ATP1A1: variants seen among roughly 807,000 people sequenced by gnomAD.
ATP1A1 encodes ATPase Na+/K+ transporting subunit alpha 1, also known as sodium/potassium-transporting ATPase subunit alpha-1.
ATP1A1 carries 14 observed loss-of-function variants against 114.8 expected under a neutral mutation model. The ratio of observed to expected loss-of-function variants is 0.12; its 90% CI spans 0.08 to 0.19. The LOEUF (loss-of-function observed/expected upper bound fraction) is 0.19. Among genes scored for constraint, ATP1A1 ranks in the 10% least tolerant of loss-of-function variants. The pLI, the probability that ATP1A1 is intolerant of heterozygous loss-of-function variation, is 1.00. For missense variants in ATP1A1, 524 were observed against 1,290.7 expected, an observed-to-expected ratio of 0.41 and a Z score of 9.10; for synonymous variants, 471 against 466.3, an observed-to-expected ratio of 1.01 and a Z score of -0.13.
rs758798958 is a variant in ATP1A1 at position 116,390,422 on chromosome 1, G to A, written c.1222+11G>A. ...CAGAGAATCAGAGTGGTAAGGCCAG[G>A]GTTACCACACACCTCAGCCACCTGC... On this transcript the variant is annotated intron_variant, in intron 9 of 22. Transcript: ENST00000295598. The A allele has an allele frequency of 6.2e-7, 1 of 1,611,934 alleles. No individual in the cohort carries two copies. Among genetic ancestry groups the A allele is most frequent in the South Asian group, 1.1e-5 (1 of 91,014 alleles).
chr1:116,377,837 G>A (rs1651472428), intron 1 of ATP1A1, among the ~76,000 whole-genome samples: 1 of 152,208 alleles, frequency 6.6e-6, no homozygotes, highest in Non-Finnish European at 1.5e-5. Flanking sequence ...TCCCATCCCT[G>A]CCAGAGCTGT....
chr1:116,404,391 TTGTC>T lies in ATP1A1; in HGVS notation c.3044-19_3044-16del, dbSNP rs1653798118. On this transcript the variant is annotated intron_variant, in intron 22 of 22. Coordinates refer to ENST00000295598, the MANE Select transcript of ATP1A1 (RefSeq NM_000701.8). The surrounding 1 kb of genome is among the most constrained non-coding windows in gnomAD (Gnocchi z 4.8). Reference sequence around the variant, plus strand: ...CGAGGAAGACTCACTGTAGTGTGTCTTGTCTGTCTCTTTGCCACCCACAGGCTGG... The same window carrying T: ...CGAGGAAGACTCACTGTAGTGTGTCTTGTCTCTTTGCCACCCACAGGCTGG... The T allele has an allele frequency of 4.3e-6, 7 of 1,613,916 alleles. No individual in the cohort carries two copies. Among genetic ancestry groups the T allele is most frequent in the Non-Finnish European group, 5.9e-6 (7 of 1,179,890 alleles).
rs1461794187 is a variant in ATP1A1, at chr1:116,385,670, T to G, written c.183+828T>G. 6.6e-6 allele frequency: 1 copy of G among 151,062 alleles called. No individual in the cohort carries two copies. The highest frequency in any genetic ancestry group is 1.5e-5 in the Non-Finnish European group (1 of 67,816). The allele number at this position is 151,062 out of a possible 1,614,324, so 9.4% of individuals were successfully genotyped here. On this transcript the variant is annotated intron_variant, in intron 3 of 22. Coordinates refer to ENST00000295598, the MANE Select transcript of ATP1A1 (RefSeq NM_000701.8). The surrounding 1 kb of genome is among the most constrained non-coding windows in gnomAD (Gnocchi z 4.3). ...AAGAAACAGGATCTCTCTCCTGCCC[T>G]CCTTTTCACCTGTCGCAAGGCAGGA... is the stretch of plus-strand genomic sequence containing the variant.
At chr1:116,402,876 G>A (rs931867684) in intron 21 of ATP1A1, among the ~76,000 whole-genome samples, 3 of 152,092 alleles carry the variant, frequency 2.0e-5, no homozygotes, top group African/African-American at 7.2e-5. Context: ...AGAAGGCATG[G>A]GCCACAGTGT....
Position 116,389,117 on chromosome 1 carries a change from A to C in ATP1A1, c.754+98A>C, listed in dbSNP as rs1237928961. ...CACAATCTCTTGTTTTATTGGCTCC[A>C]TTTCTGAGAACTTGTGTCAAGCACA... On this transcript the variant is annotated intron_variant, in intron 7 of 22. Coordinates refer to ENST00000295598, the MANE Select transcript of ATP1A1 (RefSeq NM_000701.8). This position sits in a 1 kb window ranked among gnomAD's most constrained non-coding sequence, Gnocchi z 6.9. The C allele has an allele frequency of 8.4e-7, 1 of 1,185,064 alleles. No individual in the cohort carries two copies. The allele number at this position is 1,185,064 out of a possible 1,614,324, so 73.4% of individuals were successfully genotyped here.
At chr1:116,376,511 G>GA (rs1398263814) in intron 1 of ATP1A1, among the ~76,000 whole-genome samples, 4 of 152,204 alleles carry the variant, frequency 2.6e-5, no homozygotes, top group Non-Finnish European at 5.9e-5. Flanking sequence ...GAGCTGGGGG[G>GA]TGGAGAGAGC....
rs1490873088 is a variant in ATP1A1 at position 116,404,608 on chromosome 1, T to TGGGGGGA, written c.*175_*181dup. On this transcript the variant is annotated 3_prime_UTR_variant, in exon 23 of 23. Transcript: ENST00000295598. This position sits in a 1 kb window ranked among gnomAD's most constrained non-coding sequence, Gnocchi z 4.8. ...TCCTGGAATGAAGCATGTAGCTCTA[T>TGGGGGGA]GGGGGGAGGGGGGAGGGCTGCCTGA... The TGGGGGGA allele has an allele frequency of 2.0e-6, 2 of 977,000 alleles. No individual in the cohort carries two copies. The highest frequency in any genetic ancestry group is 2.8e-5 in the South Asian group (1 of 35,120). The allele number at this position is 977,000 out of a possible 1,614,324, so 60.5% of individuals were successfully genotyped here.
chr1:116,382,641 A>G (rs1651820765), intron 1 of ATP1A1: 1 of 152,274 alleles, frequency 6.6e-6, no homozygotes, highest in African/African-American at 2.4e-5. Flanking sequence ...AATTTGGAGA[A>G]GGATTTCTCC....
chr1:116,373,610 G>T, intron 1 of ATP1A1, 87 bp downstream of exon 1: 1 of 1,289,254 alleles, frequency 7.8e-7, no homozygotes, highest in South Asian at 1.8e-5. Context: ...CGGCCAGCGG[G>T]AGGCGGCGGA....
intron 12 of ATP1A1, 125 bp from the exon 13 acceptor site, chr1:116,394,985 A>G: frequency 2.1e-6 from 2 of 933,026 alleles, no homozygotes; most frequent in South Asian, 1.8e-5. Flanking sequence ...TTATAAAAAT[A>G]TAGACTTTAA....
chr1:116,379,110 C>T (rs1651570388), intron 1 of ATP1A1, among the ~76,000 whole-genome samples: 1 of 152,152 alleles, frequency 6.6e-6, no homozygotes, highest in African/African-American at 2.4e-5. Context: ...GGTAGGCTGT[C>T]AGGCTCATTA....
Position 116,401,713 on chromosome 1 carries a change from C to G in ATP1A1, c.2951+58C>G. 1 of 1,514,508 alleles carries G rather than the reference C, an allele frequency of 6.6e-7. No homozygotes were observed. The highest frequency in any genetic ancestry group is 1.2e-5 in the South Asian group (1 of 86,620). 93.8% of individuals were successfully genotyped at this position (1,514,508 alleles called of 1,614,324 possible). On this transcript the variant is annotated intron_variant, in intron 21 of 22. Coordinates refer to ENST00000295598, the MANE Select transcript of ATP1A1 (RefSeq NM_000701.8). The surrounding 1 kb of genome is among the most constrained non-coding windows in gnomAD (Gnocchi z 4.7). The stretch of plus-strand genomic sequence containing the variant: ...TGAAATAGTATGTGTGGCTTTTCCC[C>G]CCATTACTTGTGGTAATAGTTGTTA...
chr1:116,390,637 G>A, intron 9 of ATP1A1, 145 bp from the exon 10 acceptor site: 1 of 849,058 alleles, frequency 1.2e-6, no homozygotes, highest in Non-Finnish European at 1.9e-6. Context: ...CGTGACTGAA[G>A]AATGCCTAAA....
chr1:116,386,379 T>C (rs1296762432), intron 3 of ATP1A1, among the ~76,000 whole-genome samples: 2 of 152,082 alleles, frequency 1.3e-5, no homozygotes, highest in Non-Finnish European at 2.9e-5. Context: ...TGCGGGTCTA[T>C]TTCTTTACTT....
rs964000523 is a variant in ATP1A1, at chr1:116,393,889, G to A, written c.1660+166G>A. Among the ~76,000 whole-genome samples, 1 of 152,032 alleles carries A rather than the reference G, an allele frequency of 6.6e-6. No homozygotes were observed. The highest frequency in any genetic ancestry group is 2.4e-5 in the African/African-American group (1 of 41,380). On this transcript the variant is annotated intron_variant, in intron 12 of 22. Transcript: ENST00000295598. This position sits in a 1 kb window ranked among gnomAD's most constrained non-coding sequence, Gnocchi z 5.0. ...TTGTTTATTTGCCCCCTATTATTTT[G>A]AAAACAATAAGTGCTGAAGAAATGT...
In ATP1A1 at chr1:116,392,846, G is replaced by T; in HGVS notation, c.1333-8G>T. 1 of 1,605,268 alleles carries T rather than the reference G, an allele frequency of 6.2e-7. No individual in the cohort carries two copies. The highest frequency in any genetic ancestry group is 8.5e-7 in the Non-Finnish European group (1 of 1,176,414). ...GAGATAATTTACAGATGATGTCTCTGTTCACAGCGGGCAGTTGCAGGAGAT... is the reference window on the plus strand; with the variant it reads ...GAGATAATTTACAGATGATGTCTCTTTTCACAGCGGGCAGTTGCAGGAGAT... On this transcript the variant is annotated splice_region_variant and splice_polypyrimidine_tract_variant and intron_variant, in intron 10 of 22. Coordinates refer to ENST00000295598, the MANE Select transcript of ATP1A1 (RefSeq NM_000701.8).
Position 116,395,950 on chromosome 1 carries a change from G to A in ATP1A1, c.1837-648G>A, listed in dbSNP as rs539887590. Reference sequence around the variant, plus strand: ...TATTTTTAAGTAAAGATAGGGTTTCGCCACGTTGGCCAGGCTGGTCTCAAA... The same window carrying A: ...TATTTTTAAGTAAAGATAGGGTTTCACCACGTTGGCCAGGCTGGTCTCAAA... On this transcript the variant is annotated intron_variant, in intron 13 of 22. Transcript: ENST00000295598. The surrounding 1 kb of genome is among the most constrained non-coding windows in gnomAD (Gnocchi z 6.4). Among the ~76,000 whole-genome samples, 16 of 152,028 alleles carry A rather than the reference G, an allele frequency of 1.1e-4. No individual in the cohort carries two copies. The highest frequency in any genetic ancestry group is 3.9e-4 in the East Asian group (2 of 5,166).
Position 116,388,560 on chromosome 1 carries a change from CTA to C in ATP1A1, c.502-76_502-75del, listed in dbSNP as rs1652249761. 5.3e-6 allele frequency: 8 copies of C among 1,496,736 alleles called. No individual in the cohort carries two copies. The South Asian group carries it at 6.3e-5, about 12-fold the overall frequency. The allele number at this position is 1,496,736 out of a possible 1,614,324, so 92.7% of individuals were successfully genotyped here. ...TGTATTCAGGTAATTAGGATTATGA[CTA>C]TTTTTATTTTCTTGTTTTGGACACT... On this transcript the variant is annotated intron_variant, in intron 5 of 22. Transcript: ENST00000295598. The surrounding 1 kb of genome is among the most constrained non-coding windows in gnomAD (Gnocchi z 5.6).
At chr1:116,375,040 G>A (rs1181292981) in intron 1 of ATP1A1, among the ~76,000 whole-genome samples, 7 of 152,222 alleles carry the variant, frequency 4.6e-5, no homozygotes, top group Admixed American at 4.6e-4. Context: ...GTCTGGGTTA[G>A]TGGCCTGTGC....
Sources: gnomAD v4.1 joint callset for allele counts (sites outside exome capture counted in the v4.1 genomes callset) on GRCh38, gnomAD v4.1.1 for gene constraint, Gnocchi (gnomAD v3.1) non-coding constraint, MANE v1.5 for transcripts, NCBI Gene and HGNC (gene_info 2026-07-23, HGNC 2026-07-21) for gene names.